The following AARSD1 variants were observed in gnomAD, a reference collection of about 807,000 sequenced individuals.
The protein encoded by AARSD1 is alanyl-tRNA synthetase domain containing 1.
AARSD1 carries 44 observed loss-of-function variants against 48.7 expected under a neutral mutation model. The observed-to-expected ratio is 0.90, with a 90% CI of 0.71 to 1.16. The LOEUF (loss-of-function observed/expected upper bound fraction) is 1.16, where lower values mean the gene tolerates loss of function less well. Ranked by LOEUF, AARSD1 falls within the 50% of genes most tolerant of loss-of-function variation. AARSD1 has a pLI of 0.00. For missense variants in AARSD1, 511 were observed against 523.1 expected, an observed-to-expected ratio of 0.98 and a Z score of 0.23; for synonymous variants, 189 against 194.9, an observed-to-expected ratio of 0.97 and a Z score of 0.25.
intron 3 of AARSD1, among the ~76,000 whole-genome samples, chr17:42,959,663 T>C (rs958729577): frequency 6.6e-6 from 1 of 150,642 alleles, no homozygotes; most frequent in Non-Finnish European, 1.5e-5. Context: ...CAGCCATTTC[T>C]CTTTTCTTTT....
At chr17:42,960,974 AC>A in intron 3 of AARSD1, 1 of 712,294 alleles carries the variant, frequency 1.4e-6, no homozygotes, top group Non-Finnish European at 2.1e-6. Flanking sequence ...AGTTGATAAT[AC>A]CTAAATCCAG....
At chr17:42,963,815 G>C (rs2049671672) in intron 2 of AARSD1, among the ~76,000 whole-genome samples, 2 of 151,974 alleles carry the variant, frequency 1.3e-5, no homozygotes, top group Admixed American at 1.3e-4. Flanking sequence ...CCTTTACTTG[G>C]TTTTTGTTTA....
At chr17:42,956,660 C>A in intron 4 of AARSD1, 100 bp from the exon 5 acceptor site, 1 of 205,180 alleles carries the variant, frequency 4.9e-6, no homozygotes. Flanking sequence ...CCTCTCACCA[C>A]TTTTTTTTTT....
At chr17:42,959,848 G>A (rs1444773251) in intron 3 of AARSD1, among the ~76,000 whole-genome samples, 1 of 151,294 alleles carries the variant, frequency 6.6e-6, no homozygotes, top group African/African-American at 2.4e-5. Context: ...ATTTTTAGTA[G>A]AGACAGGGTT....
intron 2 of AARSD1, among the ~76,000 whole-genome samples, 182 bp downstream of exon 2, chr17:42,963,924 A>G (rs746064386): frequency 1.3e-5 from 2 of 152,224 alleles, no homozygotes. Flanking sequence ...GCCTGGAATA[A>G]TATCTAGCAT....
At chr17:42,956,352 A>AATCT in intron 5 of AARSD1, 32 bp from the exon 6 acceptor site, 1 of 1,614,042 alleles carries the variant, frequency 6.2e-7, no homozygotes. Context: ...GGACTGTCTG[A>AATCT]ATCTGATGAG....
At chr17:42,952,480 T>C (rs2049492515) in intron 10 of AARSD1, among the ~76,000 whole-genome samples, 1 of 152,132 alleles carries the variant, frequency 6.6e-6, no homozygotes. Context: ...TTACCCACAG[T>C]AGGCATTCCA....
chr17:42,951,996 C>T (rs2049486222), intron 10 of AARSD1, 102 bp from the exon 11 acceptor site: 1 of 1,315,104 alleles, frequency 7.6e-7, no homozygotes, highest in Admixed American at 2.0e-5. Context: ...TTATTTCCCC[C>T]TAAACCACCA....
chr17:42,958,174 T>G (rs2049583971), intron 3 of AARSD1, among the ~76,000 whole-genome samples: 1 of 152,128 alleles, frequency 6.6e-6, no homozygotes. Context: ...TGAAGAGCTT[T>G]AAGCAGAGGA....
chr17:42,958,004 T>C (rs1296906182), intron 3 of AARSD1, among the ~76,000 whole-genome samples: 1 of 151,968 alleles, frequency 6.6e-6, no homozygotes, highest in African/African-American at 2.4e-5. Flanking sequence ...AAGTAGCGCA[T>C]GTCAAAGGAA....
chr17:42,953,168 T>A (rs1038221958), intron 10 of AARSD1, among the ~76,000 whole-genome samples: 1 of 151,966 alleles, frequency 6.6e-6, no homozygotes, highest in African/African-American at 2.4e-5. Context: ...TTAGTAGAGA[T>A]AGGGTTTTAC....
chr17:42,957,224 A>G, intron 3 of AARSD1, 29 bp from the exon 4 acceptor site: 1 of 1,612,860 alleles, frequency 6.2e-7, no homozygotes, highest in Non-Finnish European at 8.5e-7. Flanking sequence ...AGACAGGAGA[A>G]AAGTGAGAAG....
In AARSD1 at chr17:42,950,575, G is replaced by T; in HGVS notation, c.*18C>A. On this transcript the variant is annotated 3_prime_UTR_variant, in exon 12 of 12. Coordinates refer to ENST00000427569, the MANE Select transcript of AARSD1 (RefSeq NM_001261434.2). ...CCAAAAGATTCCTGTGGAAACAGGA[G>T]GTGAGTGCCCTAAGCCCTCACTCCT... 6.4e-7 allele frequency: 1 copy of T among 1,565,200 alleles called. No individual in the cohort carries two copies. The highest frequency in any genetic ancestry group is 8.7e-7 in the Non-Finnish European group (1 of 1,151,766).
intron 10 of AARSD1, 52 bp downstream of exon 10, chr17:42,953,672 T>C: frequency 1.9e-6 from 3 of 1,613,490 alleles, no homozygotes; most frequent in South Asian, 2.2e-5. Context: ...CTCACTTATG[T>C]CTCCCTAGGT....
chr17:42,960,199 G>A (rs2049614800), intron 3 of AARSD1, among the ~76,000 whole-genome samples: 1 of 151,688 alleles, frequency 6.6e-6, no homozygotes, highest in Non-Finnish European at 1.5e-5. Flanking sequence ...AGCCCGGGAG[G>A]TGAGGTTGCA....
intron 10 of AARSD1, 47 bp downstream of exon 10, chr17:42,953,677 C>A: frequency 6.2e-7 from 1 of 1,613,836 alleles, no homozygotes; most frequent in Non-Finnish European, 8.5e-7. Context: ...TTATGTCTCC[C>A]TAGGTCTCTA....
At chr17:42,955,434 ATC>A in intron 7 of AARSD1, 1 of 405,876 alleles carries the variant, frequency 2.5e-6, no homozygotes, top group Non-Finnish European at 4.3e-6. Flanking sequence ...AAAGCACTTG[ATC>A]TTTTTTTTTT....
At chr17:42,963,287 G>C (rs889239563) in intron 2 of AARSD1, among the ~76,000 whole-genome samples, 5 of 150,976 alleles carry the variant, frequency 3.3e-5, no homozygotes, top group African/African-American at 1.2e-4. Context: ...CATCATGTTG[G>C]TCAGGCTACT....
chr17:42,958,529 T>A (rs921756430), intron 3 of AARSD1, among the ~76,000 whole-genome samples: 1 of 151,598 alleles, frequency 6.6e-6, no homozygotes, highest in Admixed American at 6.6e-5. Flanking sequence ...TTAAATAAAA[T>A]TTATTTCATT....
Sources: allele counts gnomAD v4.1 joint callset (sites outside exome capture counted in the v4.1 genomes callset), GRCh38; gene constraint gnomAD v4.1.1; transcripts MANE v1.5; gene names NCBI Gene and HGNC (gene_info 2026-07-23, HGNC 2026-07-21).